Variants in ABCG5 observed in about 807,000 individuals in gnomAD.
ABCG5 encodes ATP-binding cassette sub-family G member 5.
Under a neutral mutation model 64.5 loss-of-function variants are expected in ABCG5, and 64 were observed. The observed-to-expected ratio is 0.99, with a 90% CI of 0.81 to 1.22. The LOEUF is 1.22. ABCG5 is among the 50% of genes most tolerant of loss of function. The pLI is 0.00. For synonymous variants in ABCG5, 385 were observed against 326.3 expected (o/e 1.18, Z -1.94); for missense variants, 908 against 829.5 (o/e 1.09, Z -1.16).
In ABCG5 at chr2:43,820,835, G is replaced by C. The variant is rs552615205; in HGVS notation, c.1464-735C>G. On this transcript the variant is annotated intron_variant, in intron 10 of 12. Transcript: ENST00000405322. ...CACCCAGCTAATTTTTTTGTATTTA[G>C]TAGAGATGGGGTTTTGCCATATTGG... Among the ~76,000 whole-genome samples the C allele has an allele frequency of 3.3e-5, 5 of 152,142 alleles. No homozygotes were observed. In the South Asian group the frequency reaches 1.0e-3, roughly 32 times the overall value.
intron 10 of ABCG5, among the ~76,000 whole-genome samples, chr2:43,821,577 C>A (rs1006748504): frequency 1.3e-5 from 2 of 152,150 alleles, no homozygotes; most frequent in Non-Finnish European, 2.9e-5. Flanking sequence ...TATCAGTTCC[C>A]ACATCTGGGG....
At chr2:43,835,297 G>A (rs957329096) in intron 2 of ABCG5, among the ~76,000 whole-genome samples, 1 of 151,418 alleles carries the variant, frequency 6.6e-6, no homozygotes, top group African/African-American at 2.5e-5. Context: ...CTGAGATGGG[G>A]GGTTCCATTT....
chr2:43,818,485 G>A (rs184633487), intron 11 of ABCG5, among the ~76,000 whole-genome samples: 14 of 152,202 alleles, frequency 9.2e-5, no homozygotes, highest in Non-Finnish European at 1.5e-4. Flanking sequence ...TCTACAGAAC[G>A]AGTATCACTT....
intron 4 of ABCG5, among the ~76,000 whole-genome samples, 169 bp downstream of exon 4, chr2:43,831,600 A>G (rs965288260): frequency 9.9e-5 from 15 of 152,224 alleles, no homozygotes; most frequent in African/African-American, 3.6e-4. Context: ...CCAAAGGCAC[A>G]TGTGACTAGG....
chr2:43,818,252 T>G (rs1421227053), intron 11 of ABCG5, among the ~76,000 whole-genome samples: 1 of 152,096 alleles, frequency 6.6e-6, no homozygotes, highest in African/African-American at 2.4e-5. Context: ...GAGACTAGCC[T>G]GGCCAACATG....
chr2:43,820,086 T>C lies in ABCG5; in HGVS notation c.1478A>G (p.His493Arg). ...SSVCYWTLGLHPEVARFGYFS... is the reference protein window; with the variant it reads ...SSVCYWTLGLRPEVARFGYFS... ...ATATCCAAATCGGGCAACCTCAGGA[T>C]GTAAGCCCAGCGTCCTAGAAAAGCA... The change falls in exon 11 of 13, where the codon CAT (histidine) becomes CGT (arginine). Residue 493 changes from histidine (H) to arginine (R), a missense_variant. Transcript: ENST00000405322. The C allele has an allele frequency of 1.2e-6, 2 of 1,613,918 alleles. No homozygotes were observed. The highest frequency in any genetic ancestry group is 1.7e-6 in the Non-Finnish European group (2 of 1,179,904).
Position 43,838,784 on chromosome 2 carries a change from A to G in ABCG5, c.-105T>C. 6.4e-7 allele frequency: 1 copy of G among 1,554,164 alleles called. No individual in the cohort carries two copies. The highest frequency in any genetic ancestry group is 8.7e-7 in the Non-Finnish European group (1 of 1,149,194). On this transcript the variant is annotated 5_prime_UTR_variant, in exon 1 of 13. Transcript: ENST00000405322. The surrounding 1 kb of genome is among the most constrained non-coding windows in gnomAD (Gnocchi z 4.2). ...CAGACTGCCCTGCCTGCTCCACCTG[A>G]CCCCGGAGTCCCTTGGGACAGCAGG... is the stretch of plus-strand genomic sequence containing the variant.
intron 12 of ABCG5, among the ~76,000 whole-genome samples, chr2:43,813,675 T>G (rs573677539): frequency 1.4e-4 from 19 of 133,692 alleles, no homozygotes; most frequent in African/African-American, 4.5e-4. Context: ...TTTTTGGTTG[T>G]TTTTTTTTTG....
Position 43,824,428 on chromosome 2 carries a change from G to A in ABCG5, c.909C>T (p.Asp303=). The A allele has an allele frequency of 6.2e-7, 1 of 1,613,716 alleles. No individual in the cohort carries two copies. Among genetic ancestry groups the A allele is most frequent in the Non-Finnish European group, 8.5e-7 (1 of 1,180,022 alleles). The change falls in exon 8 of 13, where the codon GAC becomes GAT. Residue 303 remains aspartate, a synonymous_variant. Transcript: ENST00000405322. ...EHSNPFDFYM[D]LTSVDTQSKE... is the part of the protein sequence containing the mutation. The stretch of plus-strand genomic sequence containing the variant: ...TGCTTTGGGTATCCACTGACGTCAG[G>A]TCCACTAAAAGTTTTTCCCAAAAGA...
At chr2:43,832,618 C>T (rs942518094) in intron 2 of ABCG5, 6 of 168,480 alleles carry the variant, frequency 3.6e-5, no homozygotes, top group African/African-American at 9.6e-5. Flanking sequence ...CCAAGACCTG[C>T]TGAGTCAGCT....
At chr2:43,839,031 A>C (rs1190070552), upstream of ABCG5, 42 of 1,549,982 alleles carry the variant, frequency 2.7e-5, no homozygotes, top group Non-Finnish European at 3.7e-5. Flanking sequence ...GCTGCAGCCC[A>C]GGGTCACAGA....
At chr2:43,824,502 G>T (rs1667467440) in intron 7 of ABCG5, 70 bp from the exon 8 acceptor site, 2 of 1,598,572 alleles carry the variant, frequency 1.3e-6, no homozygotes, top group Admixed American at 1.7e-5. Context: ...ATATACAATT[G>T]GTACAGGAGT....
chr2:43,831,951 A>G lies in ABCG5; in HGVS notation c.398T>C (p.Leu133Pro). The change falls in exon 3 of 13, where the codon CTG (leucine) becomes CCG (proline). Residue 133 changes from leucine (L) to proline (P), a missense_variant. Physicochemically the swap from Leu to Pro is moderately conservative, Grantham distance 98. Transcript: ENST00000405322. Reference sequence around the variant, plus strand: ...GGGTGTGGGGGACGCGCCCACCTGCAGGACGTAGGAGAAGCAGTCCTGGAA... The same window carrying G: ...GGGTGTGGGGGACGCGCCCACCTGCGGGACGTAGGAGAAGCAGTCCTGGAA... ...EQFQDCFSYV[L>P]QSDTLLSSLT... 1.3e-6 allele frequency: 2 copies of G among 1,549,826 alleles called. No homozygotes were observed. Among genetic ancestry groups the G allele is most frequent in the East Asian group, 2.4e-5 (1 of 40,968 alleles).
Position 43,838,483 on chromosome 2 carries a change from A to C in ABCG5, c.143+54T>G. ...AGTGAAGAAAGGCAGCAGAGGGGTG[A>C]GCGCCGGGCCCCGCACTCCTGGGGG... is the stretch of plus-strand genomic sequence containing the variant. On this transcript the variant is annotated intron_variant, in intron 1 of 12. Coordinates refer to ENST00000405322, the MANE Select transcript of ABCG5 (RefSeq NM_022436.3). The surrounding 1 kb of genome is among the most constrained non-coding windows in gnomAD (Gnocchi z 4.2). The C allele has an allele frequency of 6.6e-7, 1 of 1,525,320 alleles. No homozygotes were observed. The highest frequency in any genetic ancestry group is 1.4e-5 in the African/African-American group (1 of 72,908). The allele number at this position is 1,525,320 out of a possible 1,614,324, so 94.5% of individuals were successfully genotyped here.
chr2:43,823,832 G>T, intron 9 of ABCG5, 81 bp downstream of exon 9: 1 of 1,507,100 alleles, frequency 6.6e-7, no homozygotes, highest in Non-Finnish European at 9.0e-7. Flanking sequence ...CCCTTATAAT[G>T]GTAGACTTTT....
At chr2:43,825,443 A>G (rs997790158) in intron 6 of ABCG5, among the ~76,000 whole-genome samples, 28 of 152,214 alleles carry the variant, frequency 1.8e-4, no homozygotes, top group African/African-American at 6.5e-4. Context: ...ATAGCTAACT[A>G]AAGGGATACT....
chr2:43,830,923 G>A (rs1460997919), intron 4 of ABCG5, among the ~76,000 whole-genome samples: 1 of 152,192 alleles, frequency 6.6e-6, no homozygotes, highest in African/African-American at 2.4e-5. Context: ...CAGTTTGGAT[G>A]AGGCACATTC....
intron 4 of ABCG5, among the ~76,000 whole-genome samples, chr2:43,829,885 C>T (rs1194675058): frequency 6.6e-6 from 1 of 152,158 alleles, no homozygotes; most frequent in Non-Finnish European, 1.5e-5. Flanking sequence ...AGCTTTGACC[C>T]ACCCAAAGAA....
chr2:43,834,475 GTGT>G (rs1184237856), intron 2 of ABCG5, among the ~76,000 whole-genome samples: 3 of 152,296 alleles, frequency 2.0e-5, no homozygotes, highest in Admixed American at 6.5e-5. Context: ...ATCATGAATG[GTGT>G]TGTTTTAAGC....
Sources: gnomAD v4.1 joint callset for allele counts (sites outside exome capture counted in the v4.1 genomes callset) on GRCh38, gnomAD v4.1.1 for gene constraint, Gnocchi (gnomAD v3.1) non-coding constraint, MANE v1.5 for transcripts, NCBI Gene and HGNC (gene_info 2026-07-23, HGNC 2026-07-21) for gene names.